The following MLXIP variants were observed in gnomAD, a reference collection of about 807,000 sequenced individuals.
MLXIP encodes MLX-interacting protein.
A neutral mutation model predicts 87.2 loss-of-function variants in MLXIP; 30 were observed. The ratio of observed to expected loss-of-function variants is 0.34; its 90% CI spans 0.26 to 0.47. The LOEUF is 0.47. Ranked by LOEUF, MLXIP falls within the 20% of genes least tolerant of loss-of-function variation. The probability of loss-of-function intolerance (pLI) is 1.00; values close to 1 mark genes in which losing one functional copy is unlikely to be tolerated. For synonymous variants in MLXIP, 530 were observed against 514.0 expected (o/e 1.03, Z -0.42); for missense variants, 1,002 against 1,240.1 (o/e 0.81, Z 2.88).
At chr12:122,108,705 C>T (rs967791311) in intron 1 of MLXIP, among the ~76,000 whole-genome samples, 3 of 152,138 alleles carry the variant, frequency 2.0e-5, no homozygotes, top group Non-Finnish European at 4.4e-5. Flanking sequence ...CTGTGTTTTG[C>T]TTTCACTTGT....
chr12:122,131,624 AT>A (rs528746519), intron 7 of MLXIP, among the ~76,000 whole-genome samples: 2 of 150,540 alleles, frequency 1.3e-5, no homozygotes, highest in African/African-American at 4.9e-5. Context: ...TCATTTCTTC[AT>A]TTTTTTGTAA....
chr12:122,140,484 G>T (rs1481513076), intron 15 of MLXIP, among the ~76,000 whole-genome samples: 1 of 151,910 alleles, frequency 6.6e-6, no homozygotes, highest in Non-Finnish European at 1.5e-5. Flanking sequence ...AGTAGAGATG[G>T]GGTTTCACCA....
chr12:122,128,194 G>A (rs1952913065), intron 3 of MLXIP: 2 of 514,120 alleles, frequency 3.9e-6, no homozygotes, highest in African/African-American at 1.9e-5. Context: ...GACTGAGGGG[G>A]TTAATATCTT....
intron 1 of MLXIP, among the ~76,000 whole-genome samples, chr12:122,107,405 TC>T: frequency 6.6e-6 from 1 of 151,984 alleles, no homozygotes; most frequent in East Asian, 1.9e-4. Context: ...CCACAGTCGT[TC>T]CCCCTCTTCC....
In MLXIP at chr12:122,144,944, G is replaced by A. The variant is rs1018737038; in HGVS notation, c.*3132G>A. ...AAAAAGAAAAACCAGAAGGCCTGCTGGCGTATAAATCCCTGGGCGGGTTTC... is the reference window on the plus strand; with the variant it reads ...AAAAAGAAAAACCAGAAGGCCTGCTAGCGTATAAATCCCTGGGCGGGTTTC... On this transcript the variant is annotated 3_prime_UTR_variant, in exon 17 of 17. Coordinates refer to ENST00000319080, the MANE Select transcript of MLXIP (RefSeq NM_014938.6). 11 of 152,230 alleles carry A rather than the reference G, an allele frequency of 7.2e-5. No homozygotes were observed. Among genetic ancestry groups the A allele is most frequent in the Non-Finnish European group, 1.6e-4 (11 of 68,086 alleles). 9.4% of individuals were successfully genotyped at this position (152,230 alleles called of 1,614,324 possible). A position where few individuals can be genotyped will look rare whatever the true frequency, so the allele number is the denominator to read the frequency against.
At chr12:122,081,322 C>G (rs984194529) in intron 1 of MLXIP, among the ~76,000 whole-genome samples, 1 of 152,190 alleles carries the variant, frequency 6.6e-6, no homozygotes, top group Non-Finnish European at 1.5e-5. Flanking sequence ...CATGAAGATG[C>G]CCTTTGTCTG....
intron 1 of MLXIP, among the ~76,000 whole-genome samples, chr12:122,124,797 G>A (rs1258153340): frequency 6.6e-6 from 1 of 152,056 alleles, no homozygotes; most frequent in Admixed American, 6.6e-5. Context: ...TTTGGAGGCC[G>A]AGGTGGGAGG....
intron 1 of MLXIP, among the ~76,000 whole-genome samples, chr12:122,103,227 T>G (rs532456679): frequency 0.086 from 4,650 of 54,238 alleles, 236 homozygotes; most frequent in African/African-American, 0.21. Flanking sequence ...ATTTATTTAT[T>G]TATTTATTTA....
rs201391883 is a variant in MLXIP at position 122,144,418 on chromosome 12, C to CAAAAAAAAAA, written c.*2621_*2630dup. ...GCAACATAACAAGACCCTGTCTCTA[C>CAAAAAAAAAA]AAAAAAAAAAAAAAAAAAAAAAAAT... On this transcript the variant is annotated 3_prime_UTR_variant, in exon 17 of 17. Transcript: ENST00000319080. 1 of 79,348 alleles carries CAAAAAAAAAA rather than the reference C, an allele frequency of 1.3e-5. No individual in the cohort carries two copies. Among genetic ancestry groups the CAAAAAAAAAA allele is most frequent in the South Asian group, 4.0e-4 (1 of 2,482 alleles). 4.9% of individuals were successfully genotyped at this position (79,348 alleles called of 1,614,324 possible). A position where few individuals can be genotyped will look rare whatever the true frequency, so the allele number is the denominator to read the frequency against.
At position 122,079,028 on chromosome 12, in the gene MLXIP, C is replaced by T; in HGVS notation, c.175C>T (p.Pro59Ser). 2.9e-6 allele frequency: 4 copies of T among 1,362,406 alleles called. No individual in the cohort carries two copies. Among genetic ancestry groups the T allele is most frequent in the African/African-American group, 1.6e-5 (1 of 63,822 alleles). The allele number at this position is 1,362,406 out of a possible 1,614,324, so 84.4% of individuals were successfully genotyped here. ...CCGGGCCCACGCGAGCGCCGCGCCA[C>T]CGCCGCCTCGGGCCGGGCCGGGCCG... ...PARAHASAAP[P>S]PPRAGPGREE... Residue 59 changes from proline (P) to serine (S), a missense_variant, in exon 1 of 17, where the codon CCG becomes TCG. Pro to Ser is a moderately conservative substitution (Grantham distance 74). Transcript: ENST00000319080.
At chr12:122,088,199 C>G (rs1303966169) in intron 1 of MLXIP, among the ~76,000 whole-genome samples, 2 of 152,198 alleles carry the variant, frequency 1.3e-5, no homozygotes, top group Non-Finnish European at 2.9e-5. Context: ...TCTGCTGTCC[C>G]TCTCCAGGGG....
rs772973356 is a variant in MLXIP at position 122,138,187 on chromosome 12, C to G, written c.2155-7C>G. 7 of 1,594,870 alleles carry G rather than the reference C, an allele frequency of 4.4e-6. No individual in the cohort carries two copies. The East Asian group carries it at 9.1e-5, about 21-fold the overall frequency. On this transcript the variant is annotated splice_region_variant and splice_polypyrimidine_tract_variant and intron_variant, in intron 12 of 16. Coordinates refer to ENST00000319080, the MANE Select transcript of MLXIP (RefSeq NM_014938.6). The stretch of plus-strand genomic sequence containing the variant: ...CCTGTCTTAGTGACCAGCGGGTTCT[C>G]CAGCAGAACCGGCAGATGAAGCACA...
chr12:122,095,830 A>C (rs1355483595), intron 1 of MLXIP, among the ~76,000 whole-genome samples: 2 of 151,498 alleles, frequency 1.3e-5, no homozygotes, highest in Non-Finnish European at 2.9e-5. Flanking sequence ...TATTTTTTGC[A>C]TGGTGAGTAT....
chr12:122,119,992 G>A (rs1302525301), intron 1 of MLXIP, among the ~76,000 whole-genome samples: 2 of 152,174 alleles, frequency 1.3e-5, no homozygotes, highest in East Asian at 3.9e-4. Flanking sequence ...TAAACTGATT[G>A]GGAAGTAAAA....
rs1237096717 is a variant in MLXIP at position 122,078,842 on chromosome 12, C to G, written c.-12C>G. The G allele has an allele frequency of 2.2e-5, 24 of 1,068,114 alleles. No homozygotes were observed. The highest frequency in any genetic ancestry group is 2.7e-5 in the Non-Finnish European group (24 of 883,626). The allele number at this position is 1,068,114 out of a possible 1,614,324, so 66.2% of individuals were successfully genotyped here. On this transcript the variant is annotated 5_prime_UTR_variant, in exon 1 of 17. Transcript: ENST00000319080. ...CCGGGCTCCGGGGGATGCCCCCGGCCGAGCCCTTCTCATGGCCGCCGACGT... is the reference window on the plus strand; with the variant it reads ...CCGGGCTCCGGGGGATGCCCCCGGCGGAGCCCTTCTCATGGCCGCCGACGT...
intron 2 of MLXIP, 85 bp downstream of exon 2, chr12:122,127,447 C>T: frequency 1.1e-6 from 1 of 926,050 alleles, no homozygotes; most frequent in Non-Finnish European, 1.6e-6. Flanking sequence ...GAGTCTGCTC[C>T]TGGGACCTGG....
chr12:122,134,003 A>G lies in MLXIP; in HGVS notation c.1732+16A>G. ...ATCGCCCCAGGTGAGCCAGGCGGGGAGACTCAGTGCGGGGCTCCCCCCGAC... is the reference window on the plus strand; with the variant it reads ...ATCGCCCCAGGTGAGCCAGGCGGGGGGACTCAGTGCGGGGCTCCCCCCGAC... On this transcript the variant is annotated intron_variant, in intron 9 of 16. Transcript: ENST00000319080. The G allele has an allele frequency of 4.4e-6, 7 of 1,585,250 alleles. No individual in the cohort carries two copies. The highest frequency in any genetic ancestry group is 6.0e-6 in the Non-Finnish European group (7 of 1,165,032).
At chr12:122,090,174 A>C (rs1413126552) in intron 1 of MLXIP, among the ~76,000 whole-genome samples, 1 of 152,242 alleles carries the variant, frequency 6.6e-6, no homozygotes, top group Non-Finnish European at 1.5e-5. Flanking sequence ...AACATGGATG[A>C]ATCTCAGAAA....
rs767747421 is a variant in MLXIP, at chr12:122,129,943, C to T, written c.741C>T (p.Asp247=). The change falls in exon 6 of 17, where the codon GAC becomes GAT. Residue 247 remains aspartate (D), a splice_region_variant and synonymous_variant. Transcript: ENST00000319080. The part of the protein sequence containing the change: ...KDEDLSSLVQ[D]DDMLYWHKHG... ...CCCCTGTGTTGGTGTTGTGTTAGGA[C>T]GATGACATGCTGTATTGGCACAAGC... 126 of 1,611,168 alleles carry T rather than the reference C, an allele frequency of 7.8e-5. 1 individual carries two copies. The South Asian group carries it at 8.7e-4, about 11-fold the overall frequency.
Sources: allele counts gnomAD v4.1 joint callset (sites outside exome capture counted in the v4.1 genomes callset), GRCh38; gene constraint gnomAD v4.1.1; transcripts MANE v1.5; gene names NCBI Gene and HGNC (gene_info 2026-07-23, HGNC 2026-07-21).